Variants in FBXL17 observed in about 807,000 individuals in gnomAD.
FBXL17 encodes the protein F-box/LRR-repeat protein 17.
In FBXL17, 22 loss-of-function variants were observed where a neutral mutation model predicts 66.2. That is an observed-to-expected ratio of 0.33 (90% CI 0.24 to 0.47). FBXL17 has a LOEUF of 0.47. Among genes scored for constraint, FBXL17 ranks in the 20% least tolerant of loss-of-function variants. FBXL17 has a pLI of 1.00. For missense variants in FBXL17, 878 were observed against 948.2 expected, an observed-to-expected ratio of 0.93 and a Z score of 0.97; for synonymous variants, 474 against 400.5, an observed-to-expected ratio of 1.18 and a Z score of -2.19.
intron 4 of FBXL17, among the ~76,000 whole-genome samples, chr5:108,307,103 T>C (rs73214590): frequency 0.016 from 2,489 of 152,166 alleles, 67 homozygotes; most frequent in African/African-American, 0.055. Context: ...TCAATGTGTG[T>C]AACGCAGGAC....
intron 1 of FBXL17, among the ~76,000 whole-genome samples, chr5:108,368,722 T>C (rs1748834340): frequency 6.6e-6 from 1 of 152,108 alleles, no homozygotes; most frequent in African/African-American, 2.4e-5. Flanking sequence ...TAATGTACAA[T>C]GCTGATTTCA....
At chr5:108,011,191 A>G (rs1300576140) in intron 7 of FBXL17, among the ~76,000 whole-genome samples, 1 of 152,266 alleles carries the variant, frequency 6.6e-6, no homozygotes, top group African/African-American at 2.4e-5. Context: ...TTATGTGTCT[A>G]ACATTAGTAG....
intron 7 of FBXL17, among the ~76,000 whole-genome samples, chr5:107,914,673 C>A (rs907549461): frequency 1.3e-5 from 2 of 152,154 alleles, no homozygotes; most frequent in African/African-American, 4.8e-5. Flanking sequence ...GCTGGGAATG[C>A]TCAGAGGATT....
chr5:108,240,344 T>G (rs1561483182), intron 4 of FBXL17, among the ~76,000 whole-genome samples: 1 of 151,970 alleles, frequency 6.6e-6, no homozygotes, highest in Non-Finnish European at 1.5e-5. Flanking sequence ...TGAAGGTGAG[T>G]CCTAGGCCTG....
At chr5:108,346,984 T>C (rs1439523002) in intron 4 of FBXL17, among the ~76,000 whole-genome samples, 1 of 152,172 alleles carries the variant, frequency 6.6e-6, no homozygotes, top group East Asian at 1.9e-4. Flanking sequence ...ATTTTTGAAA[T>C]ACAACTAAAA....
intron 4 of FBXL17, among the ~76,000 whole-genome samples, chr5:108,289,073 T>A (rs569626011): frequency 6.6e-6 from 1 of 152,218 alleles, no homozygotes; most frequent in South Asian, 2.1e-4. Context: ...GGAACACCTC[T>A]ACTTACTAGT....
chr5:108,289,116 G>A lies in FBXL17; in HGVS notation c.1506+59283C>T, dbSNP rs534174832. 1.3e-4 allele frequency among the ~76,000 whole-genome samples: 20 copies of A among 152,122 alleles called. No individual in the cohort carries two copies. The East Asian group carries it at 1.5e-3, about 12-fold the overall frequency. On this transcript the variant is annotated intron_variant, in intron 4 of 8. Transcript: ENST00000542267. ...TCATGGGTAAATGAAAGCTCTTAGC[G>A]ACAGCTTTCTCGTGCAAAATACAGA...
At chr5:108,330,085 G>C (rs764572544) in intron 4 of FBXL17, among the ~76,000 whole-genome samples, 30 of 152,242 alleles carry the variant, frequency 2.0e-4, no homozygotes, top group Admixed American at 3.3e-4. Context: ...AAAAATAACT[G>C]AACCATATAG....
At chr5:108,219,412 G>A (rs964602319) in intron 5 of FBXL17, among the ~76,000 whole-genome samples, 21 of 152,304 alleles carry the variant, frequency 1.4e-4, no homozygotes, top group Non-Finnish European at 2.2e-4. Flanking sequence ...CTGGCTGGAT[G>A]TGGTTGCTCA....
intron 7 of FBXL17, among the ~76,000 whole-genome samples, chr5:107,946,288 TA>T (rs1219647871): frequency 1.1e-5 from 1 of 89,798 alleles, no homozygotes; most frequent in Non-Finnish European, 2.2e-5. Flanking sequence ...TATATATATA[TA>T]TATATATATA....
intron 6 of FBXL17, among the ~76,000 whole-genome samples, chr5:108,066,457 T>C (rs1451694157): frequency 6.6e-6 from 1 of 151,906 alleles, no homozygotes; most frequent in Admixed American, 6.6e-5. Flanking sequence ...AAAGAATTTA[T>C]AAAAATTATT....
intron 4 of FBXL17, among the ~76,000 whole-genome samples, chr5:108,263,859 C>A (rs1017904392): frequency 6.6e-6 from 1 of 152,132 alleles, no homozygotes; most frequent in African/African-American, 2.4e-5. Context: ...CTTATTAGAA[C>A]AAACTACCCA....
intron 4 of FBXL17, among the ~76,000 whole-genome samples, chr5:108,347,287 GA>G (rs1190627368): frequency 6.6e-6 from 1 of 152,030 alleles, no homozygotes; most frequent in Non-Finnish European, 1.5e-5. Flanking sequence ...TCTAAACATA[GA>G]AAAGGCAAAA....
At chr5:107,966,433 T>C in intron 7 of FBXL17, among the ~76,000 whole-genome samples, 1 of 141,780 alleles carries the variant, frequency 7.1e-6, no homozygotes, top group South Asian at 2.2e-4. Flanking sequence ...GGTGAGGTCA[T>C]TTGTCCAGTG....
In FBXL17 at chr5:108,080,543, G is replaced by A. The variant is rs1748722501; in HGVS notation, c.1746-59542C>T. 2.0e-5 allele frequency among the ~76,000 whole-genome samples: 3 copies of A among 152,192 alleles called. 1 individual carries two copies. In the South Asian group the frequency reaches 6.2e-4, roughly 31 times the overall value. On this transcript the variant is annotated intron_variant, in intron 6 of 8. Transcript: ENST00000542267. ...TTTGAGCCAAGTATGAGTGACCAAG[G>A]TCTAAGGCACAGTCTCAAGAGGTCG...
intron 4 of FBXL17, among the ~76,000 whole-genome samples, chr5:108,260,053 C>T (rs959074029): frequency 2.4e-4 from 36 of 150,720 alleles, no homozygotes; most frequent in Non-Finnish European, 5.3e-4. Flanking sequence ...AACCTATGTA[C>T]GTTGAAGTCA....
chr5:108,276,349 TG>T (rs531853005), intron 4 of FBXL17, among the ~76,000 whole-genome samples: 40 of 152,192 alleles, frequency 2.6e-4, no homozygotes, highest in Non-Finnish European at 5.1e-4. Flanking sequence ...TGAAAATCCT[TG>T]CTGTGATGAT....
chr5:108,282,599 T>C (rs1160520148), intron 4 of FBXL17, among the ~76,000 whole-genome samples: 1 of 151,572 alleles, frequency 6.6e-6, no homozygotes, highest in Non-Finnish European at 1.5e-5. Flanking sequence ...CTCTAATAAC[T>C]GGAACAAAGC....
At chr5:108,152,444 T>A (rs1214888879) in intron 6 of FBXL17, among the ~76,000 whole-genome samples, 1 of 152,162 alleles carries the variant, frequency 6.6e-6, no homozygotes, top group Non-Finnish European at 1.5e-5. Flanking sequence ...TTTCATTTGG[T>A]ACAAAATATG....
Sources: allele counts gnomAD v4.1 joint callset (sites outside exome capture counted in the v4.1 genomes callset), GRCh38; gene constraint gnomAD v4.1.1; transcripts MANE v1.5; gene names NCBI Gene and HGNC (gene_info 2026-07-23, HGNC 2026-07-21).